The following CSRNP3 variants were observed in gnomAD, a reference collection of about 807,000 sequenced individuals.
CSRNP3 encodes cysteine and serine rich nuclear protein 3.
In CSRNP3, 12 loss-of-function variants were observed where a neutral mutation model predicts 48.0. That is an observed-to-expected ratio of 0.25 (90% CI 0.16 to 0.41). CSRNP3 has a LOEUF of 0.41. Ranked by LOEUF, CSRNP3 falls within the 10% of genes least tolerant of loss-of-function variation. The pLI is 1.00. For missense variants in CSRNP3, 580 were observed against 724.4 expected (o/e 0.80, Z 2.29); for synonymous variants, 263 against 269.7 (o/e 0.98, Z 0.24).
intron 4 of CSRNP3, among the ~76,000 whole-genome samples, chr2:165,595,656 A>G (rs1041970037): frequency 1.3e-5 from 2 of 152,216 alleles, no homozygotes; most frequent in Admixed American, 6.5e-5. Flanking sequence ...GGGATTAAGC[A>G]GAAATGTGAA....
chr2:165,507,237 A>C (rs1684438490), intron 2 of CSRNP3, among the ~76,000 whole-genome samples: 2 of 152,120 alleles, frequency 1.3e-5, no homozygotes, highest in South Asian at 4.1e-4. Context: ...ACTTATTTTC[A>C]CTATATAGTA....
At chr2:165,536,791 G>T (rs1430212004) in intron 3 of CSRNP3, among the ~76,000 whole-genome samples, 1 of 151,824 alleles carries the variant, frequency 6.6e-6, no homozygotes, top group Non-Finnish European at 1.5e-5. Flanking sequence ...TTTCATGTGT[G>T]CCAGTTATTG....
intron 6 of CSRNP3, 32 bp downstream of exon 6, chr2:165,676,640 C>T (rs1449517755): frequency 8.2e-6 from 13 of 1,593,310 alleles, no homozygotes; most frequent in African/African-American, 6.7e-5. Flanking sequence ...CATCCAAAGA[C>T]AAGACATTGT....
intron 2 of CSRNP3, among the ~76,000 whole-genome samples, chr2:165,511,955 G>A (rs527877327): frequency 1.3e-5 from 2 of 152,286 alleles, no homozygotes; most frequent in South Asian, 4.1e-4. Flanking sequence ...AGAAGAGAGA[G>A]AGAAAGGCCT....
chr2:165,651,629 C>G (rs777117448), intron 4 of CSRNP3, among the ~76,000 whole-genome samples: 1 of 149,036 alleles, frequency 6.7e-6, no homozygotes, highest in Non-Finnish European at 1.5e-5. Context: ...GTCAGTTTTC[C>G]AATTCTTTTC....
At chr2:165,487,284 A>G (rs1232511615) in intron 1 of CSRNP3, among the ~76,000 whole-genome samples, 3 of 144,468 alleles carry the variant, frequency 2.1e-5, no homozygotes, top group Admixed American at 6.9e-5. Flanking sequence ...TCCAAGAAAT[A>G]TGGGACTATG....
In CSRNP3 at chr2:165,678,609, A is replaced by G; in HGVS notation, c.706-92A>G. The G allele has an allele frequency of 2.1e-6, 3 of 1,424,482 alleles. No homozygotes were observed. In the South Asian group the frequency reaches 4.2e-5, roughly 20 times the overall value. The allele number at this position is 1,424,482 out of a possible 1,614,324, so 88.2% of individuals were successfully genotyped here. Reference sequence around the variant, plus strand: ...GGCATATGTGGAATTAAGTGGATGGATTACTTAATTCAAAGAAGTTACTGA... The same window carrying G: ...GGCATATGTGGAATTAAGTGGATGGGTTACTTAATTCAAAGAAGTTACTGA... On this transcript the variant is annotated intron_variant, in intron 6 of 6. Transcript: ENST00000651982.
intron 4 of CSRNP3, among the ~76,000 whole-genome samples, chr2:165,623,471 T>C (rs1342196578): frequency 2.0e-5 from 3 of 152,286 alleles, no homozygotes; most frequent in Non-Finnish European, 2.9e-5. Context: ...GGAAAAATTG[T>C]CTTGCACAAA....
intron 5 of CSRNP3, among the ~76,000 whole-genome samples, chr2:165,674,307 T>G (rs1485363466): frequency 6.6e-6 from 1 of 152,106 alleles, no homozygotes; most frequent in East Asian, 1.9e-4. Flanking sequence ...AACACTTCCT[T>G]TCTGTTACTA....
intron 4 of CSRNP3, among the ~76,000 whole-genome samples, chr2:165,610,309 CAT>C (rs1437815721): frequency 6.6e-6 from 1 of 152,124 alleles, no homozygotes; most frequent in Non-Finnish European, 1.5e-5. Flanking sequence ...TTTCCGCAAA[CAT>C]AACATTTTGC....
chr2:165,538,600 A>G (rs1011127340), intron 3 of CSRNP3, among the ~76,000 whole-genome samples: 6 of 151,866 alleles, frequency 4.0e-5, no homozygotes, highest in Non-Finnish European at 5.9e-5. Context: ...TTTGAAATGA[A>G]TTATTGACAT....
At chr2:165,568,790 T>C (rs1685331487) in intron 3 of CSRNP3, among the ~76,000 whole-genome samples, 2 of 152,076 alleles carry the variant, frequency 1.3e-5, no homozygotes, top group Admixed American at 1.3e-4. Context: ...TTATTTAAAA[T>C]ATCTTATTAT....
At chr2:165,665,591 T>A (rs979013719) in intron 5 of CSRNP3, among the ~76,000 whole-genome samples, 1 of 152,008 alleles carries the variant, frequency 6.6e-6, no homozygotes, top group African/African-American at 2.4e-5. Context: ...TGAGACCCCT[T>A]CTCTACAAAA....
At chr2:165,542,339 A>T (rs1355425994) in intron 3 of CSRNP3, among the ~76,000 whole-genome samples, 1 of 152,218 alleles carries the variant, frequency 6.6e-6, no homozygotes, top group Non-Finnish European at 1.5e-5. Context: ...CCTAGTGCTT[A>T]GGAATCACTT....
At chr2:165,489,228 C>T (rs1299525462) in intron 1 of CSRNP3, among the ~76,000 whole-genome samples, 8 of 151,450 alleles carry the variant, frequency 5.3e-5, no homozygotes, top group Non-Finnish European at 8.8e-5. Context: ...ACACATACAC[C>T]CTCCCAAGAC....
At chr2:165,544,848 T>A (rs1685003881) in intron 3 of CSRNP3, among the ~76,000 whole-genome samples, 1 of 152,056 alleles carries the variant, frequency 6.6e-6, no homozygotes, top group Non-Finnish European at 1.5e-5. Context: ...CACAAGAGAC[T>A]GTAAGATCAC....
rs1459762608 is a variant in CSRNP3, at chr2:165,681,745, A to T, written c.*1992A>T. The T allele has an allele frequency of 3.4e-5, 3 of 89,038 alleles. No individual in the cohort carries two copies. Among genetic ancestry groups the T allele is most frequent in the Non-Finnish European group, 7.7e-5 (3 of 39,052 alleles). The allele number at this position is 89,038 out of a possible 1,614,324, so 5.5% of individuals were successfully genotyped here. Reference sequence around the variant, plus strand: ...AATATACATATATATATATATATATATATATATATATATATACACACACAC... The same window carrying T: ...AATATACATATATATATATATATATTTATATATATATATATACACACACAC... On this transcript the variant is annotated 3_prime_UTR_variant, in exon 7 of 7. Transcript: ENST00000651982.
intron 3 of CSRNP3, among the ~76,000 whole-genome samples, chr2:165,589,076 A>C (rs966959770): frequency 1.3e-5 from 2 of 152,228 alleles, no homozygotes; most frequent in African/African-American, 4.8e-5. Flanking sequence ...CAAAAATATA[A>C]TATGTAGGTA....
chr2:165,549,439 T>C (rs906151059), intron 3 of CSRNP3, among the ~76,000 whole-genome samples: 9 of 152,074 alleles, frequency 5.9e-5, no homozygotes, highest in African/African-American at 2.2e-4. Context: ...TAGGCAGATA[T>C]AGAGCTTGGT....
Sources: allele counts gnomAD v4.1 joint callset (sites outside exome capture counted in the v4.1 genomes callset), GRCh38; gene constraint gnomAD v4.1.1; transcripts MANE v1.5; gene names NCBI Gene and HGNC (gene_info 2026-07-23, HGNC 2026-07-21).